CFAP58: variants seen among roughly 807,000 people sequenced by gnomAD.
CFAP58 encodes cilia and flagella associated protein 58, also known as cilia- and flagella-associated protein 58.
Under a neutral mutation model 119.5 loss-of-function variants are expected in CFAP58, and 88 were observed. The observed-to-expected ratio is 0.74, with a 90% confidence interval of 0.62 to 0.88. The LOEUF (loss-of-function observed/expected upper bound fraction) is 0.88, where lower values mean the gene tolerates loss of function less well. CFAP58 is among the 40% of genes least tolerant of loss of function. The pLI is 0.00. For synonymous variants in CFAP58, 365 were observed against 366.3 expected (o/e 1.00, Z 0.04); for missense variants, 990 against 1,021.2 (o/e 0.97, Z 0.42).
At chr10:104,407,266 A>G (rs1418434808) in intron 15 of CFAP58, among the ~76,000 whole-genome samples, 1 of 152,194 alleles carries the variant, frequency 6.6e-6, no homozygotes, top group Non-Finnish European at 1.5e-5. Flanking sequence ...TTAGGCCTAT[A>G]TCTTTGCAAG....
Position 104,454,425 on chromosome 10 carries a change from C to A in CFAP58, c.2514C>A (p.Asn838Lys), listed in dbSNP as rs1434784968. ...AQKRKEQLQKNKDTAPMDNTF... is the reference protein window; with the variant it reads ...AQKRKEQLQKKKDTAPMDNTF... The stretch of plus-strand genomic sequence containing the variant: ...ACTTTCACCTCCTCTCTTACAGAAA[C>A]AAGGACACAGCACCCATGGATAACA... The change falls in exon 18 of 18, where the codon AAC (asparagine) becomes AAA (lysine). Residue 838 changes from asparagine to lysine, a missense_variant. Asn to Lys is a moderately conservative substitution (Grantham distance 94). Coordinates refer to ENST00000369704, the MANE Select transcript of CFAP58 (RefSeq NM_001008723.2). 1.2e-6 allele frequency: 2 copies of A among 1,611,944 alleles called. No individual in the cohort carries two copies. Among genetic ancestry groups the A allele is most frequent in the Non-Finnish European group, 1.7e-6 (2 of 1,178,448 alleles).
In CFAP58 at chr10:104,454,699, C is replaced by G. The variant is rs1397939481; in HGVS notation, c.*169C>G. ...ACATATAAGAGGGATGGTGTTTTGT[C>G]TGGTTCACGTTGATATTAACAGATC... On this transcript the variant is annotated 3_prime_UTR_variant, in exon 18 of 18. Coordinates refer to ENST00000369704, the MANE Select transcript of CFAP58 (RefSeq NM_001008723.2). 1 of 596,656 alleles carries G rather than the reference C, an allele frequency of 1.7e-6. No homozygotes were observed. The highest frequency in any genetic ancestry group is 3.0e-6 in the Non-Finnish European group (1 of 333,708). The allele number at this position is 596,656 out of a possible 1,614,324, so 37.0% of individuals were successfully genotyped here. A position where few individuals can be genotyped will look rare whatever the true frequency, so the allele number is the denominator to read the frequency against.
chr10:104,392,371 A>G lies in CFAP58; in HGVS notation c.1504A>G (p.Ser502Gly). Residue 502 changes from serine (S) to glycine (G), a missense_variant, in exon 10 of 18, where the codon AGC becomes GGC. By Grantham distance (56) the Ser-to-Gly change is moderately conservative. Coordinates refer to ENST00000369704, the MANE Select transcript of CFAP58 (RefSeq NM_001008723.2). Reference protein sequence around the residue: ...EAVRSDRNLYSKNLVEAQDEI... With the variant: ...EAVRSDRNLYGKNLVEAQDEI... Reference sequence around the variant, plus strand: ...TGTGAGATCAGACAGAAATCTGTATAGCAAAAATCTGGTTGAGGCTCAGGT... The same window carrying G: ...TGTGAGATCAGACAGAAATCTGTATGGCAAAAATCTGGTTGAGGCTCAGGT... 6.3e-7 allele frequency: 1 copy of G among 1,594,176 alleles called. No individual in the cohort carries two copies. The highest frequency in any genetic ancestry group is 8.5e-7 in the Non-Finnish European group (1 of 1,172,618).
At chr10:104,440,362 G>A (rs1405565968) in intron 15 of CFAP58, among the ~76,000 whole-genome samples, 2 of 151,922 alleles carry the variant, frequency 1.3e-5, no homozygotes, top group African/African-American at 4.8e-5. Flanking sequence ...AAAACCACAT[G>A]AATGTGATTT....
intron 6 of CFAP58, 33 bp from the exon 7 acceptor site, chr10:104,370,862 A>G: frequency 1.9e-6 from 3 of 1,584,936 alleles, no homozygotes; most frequent in South Asian, 2.3e-5. Context: ...TCATTTACAA[A>G]GTGACTCATT....
the CFAP58 span, among the ~76,000 whole-genome samples, chr10:104,339,917 A>T: frequency 6.6e-6 from 1 of 152,128 alleles, no homozygotes; most frequent in East Asian, 1.9e-4. Context: ...AATTTCTGTG[A>T]AGTAAGAGCG....
chr10:104,445,598 A>C (rs1376083464), intron 15 of CFAP58, among the ~76,000 whole-genome samples: 2 of 152,160 alleles, frequency 1.3e-5, no homozygotes, highest in African/African-American at 2.4e-5. Flanking sequence ...TATCCATGAT[A>C]TCATGTAGAT....
chr10:104,387,314 T>A, intron 9 of CFAP58, among the ~76,000 whole-genome samples: 1 of 152,220 alleles, frequency 6.6e-6, no homozygotes, highest in East Asian at 1.9e-4. Flanking sequence ...GGCTCAGTTC[T>A]GGACCACATG....
At chr10:104,427,520 T>C (rs2012770182) in intron 15 of CFAP58, among the ~76,000 whole-genome samples, 1 of 152,326 alleles carries the variant, frequency 6.6e-6, no homozygotes, top group Middle Eastern at 3.4e-3. Context: ...AACATTTGTC[T>C]GATAAGTTAT....
At position 104,407,751 on chromosome 10, in the gene CFAP58, C is replaced by T. The variant is rs1406480020; in HGVS notation, c.2256+958C>T. Among the ~76,000 whole-genome samples the T allele has an allele frequency of 2.0e-5, 3 of 152,134 alleles. No individual in the cohort carries two copies. In the East Asian group the frequency reaches 5.8e-4, roughly 29 times the overall value. ...TTGCTCTGTTGCCCAGGCTGGAGTG[C>T]AGTGGCGCCATCTCGGTTCACTGCA... is the stretch of plus-strand genomic sequence containing the variant. On this transcript the variant is annotated intron_variant, in intron 15 of 17. Coordinates refer to ENST00000369704, the MANE Select transcript of CFAP58 (RefSeq NM_001008723.2).
In CFAP58 at chr10:104,447,191, T is replaced by A. The variant is rs557944082; in HGVS notation, c.2257-507T>A. On this transcript the variant is annotated intron_variant, in intron 15 of 17. Transcript: ENST00000369704. The stretch of plus-strand genomic sequence containing the variant: ...TTTTCTTTTTTTCCTCTCTCTTTTT[T>A]TTTTTAAATAGAACCGGGGTCTCAC... 2.8e-3 allele frequency among the ~76,000 whole-genome samples: 428 copies of A among 152,112 alleles called. 1 individual carries two copies. The highest frequency in any genetic ancestry group is 0.02 in the Middle Eastern group (6 of 294).
chr10:104,435,519 A>G (rs562789769), intron 15 of CFAP58, among the ~76,000 whole-genome samples: 1 of 152,172 alleles, frequency 6.6e-6, no homozygotes, highest in Non-Finnish European at 1.5e-5. Flanking sequence ...ATTCCAACAG[A>G]CTGCAACCCT....
chr10:104,453,939 T>A (rs919479957), intron 17 of CFAP58, among the ~76,000 whole-genome samples: 14 of 152,292 alleles, frequency 9.2e-5, no homozygotes, highest in African/African-American at 3.1e-4. Flanking sequence ...TTGTCTAGGG[T>A]TACAGGAAAA....
Position 104,376,861 on chromosome 10 carries a change from G to A in CFAP58, c.1141G>A (p.Glu381Lys), listed in dbSNP as rs564850032. ...AGAACTTGACAGAAAGGCAATGGAC[G>A]AGCTTCTAAGAGAAAGGGACATACT... ...QAELDRKAMD[E>K]LLRERDILNK... The change falls in exon 8 of 18, where the codon GAG becomes AAG. Residue 381 changes from glutamate to lysine, a missense_variant. Transcript: ENST00000369704. The A allele has an allele frequency of 8.1e-6, 13 of 1,613,484 alleles. No homozygotes were observed. Among genetic ancestry groups the A allele is most frequent in the South Asian group, 4.4e-5 (4 of 91,062 alleles).
In CFAP58 at chr10:104,414,847, A is replaced by G. The variant is rs909121647; in HGVS notation, c.2256+8054A>G. The stretch of plus-strand genomic sequence containing the variant: ...ACCGCGCCCGGCTAATTTTTTTTGT[A>G]TTTTTTGGTAGAGACGGGGTTTCAC... On this transcript the variant is annotated intron_variant, in intron 15 of 17. Coordinates refer to ENST00000369704, the MANE Select transcript of CFAP58 (RefSeq NM_001008723.2). Among the ~76,000 whole-genome samples, 9 of 151,714 alleles carry G rather than the reference A, an allele frequency of 5.9e-5. No individual in the cohort carries two copies. In the East Asian group the frequency reaches 1.7e-3, roughly 29 times the overall value.
At chr10:104,387,040 T>C (rs767550750) in intron 9 of CFAP58, among the ~76,000 whole-genome samples, 1 of 152,222 alleles carries the variant, frequency 6.6e-6, no homozygotes, top group African/African-American at 2.4e-5. Flanking sequence ...TTCTACATTA[T>C]ATTGTATTCA....
chr10:104,374,505 T>C (rs1464696916), intron 7 of CFAP58, among the ~76,000 whole-genome samples: 1 of 135,404 alleles, frequency 7.4e-6, no homozygotes, highest in African/African-American at 2.8e-5. Context: ...AAACATATTA[T>C]GAGAGAAATT....
chr10:104,377,060 T>A (rs2011684639), intron 8 of CFAP58, among the ~76,000 whole-genome samples, 167 bp downstream of exon 8: 1 of 152,216 alleles, frequency 6.6e-6, no homozygotes, highest in Non-Finnish European at 1.5e-5. Flanking sequence ...AGTCTATGAT[T>A]CACTGGCCAT....
intron 6 of CFAP58, 142 bp from the exon 7 acceptor site, chr10:104,370,753 G>T: frequency 1.6e-6 from 1 of 635,376 alleles, no homozygotes. Context: ...AAACCAAATT[G>T]TGTGTGCTTG....
Sources: gnomAD v4.1 joint callset for allele counts (sites outside exome capture counted in the v4.1 genomes callset) on GRCh38, gnomAD v4.1.1 for gene constraint, MANE v1.5 for transcripts, NCBI Gene and HGNC (gene_info 2026-07-23, HGNC 2026-07-21) for gene names.